DHX36: variants seen among roughly 807,000 people sequenced by gnomAD.
The protein encoded by DHX36 is DEAH-box helicase 36.
Under a neutral mutation model 139.0 loss-of-function variants are expected in DHX36, and 50 were observed. The ratio of observed to expected loss-of-function variants is 0.36; its 90% CI spans 0.29 to 0.46. The LOEUF (loss-of-function observed/expected upper bound fraction) is 0.46, where lower values mean the gene tolerates loss of function less well. Ranked by LOEUF, DHX36 falls within the 20% of genes least tolerant of loss-of-function variation. The pLI, the probability that DHX36 is intolerant of heterozygous loss-of-function variation, is 1.00. For synonymous variants in DHX36, 425 were observed against 401.9 expected, an observed-to-expected ratio of 1.06 and a Z score of -0.69; for missense variants, 1,024 against 1,211.3, an observed-to-expected ratio of 0.85 and a Z score of 2.29.
At chr3:154,315,496 A>C (rs954788009) in intron 2 of DHX36, among the ~76,000 whole-genome samples, 11 of 152,124 alleles carry the variant, frequency 7.2e-5, no homozygotes, top group African/African-American at 2.7e-4. Flanking sequence ...AGATTAAGTT[A>C]TTCCTTGTGA....
chr3:154,313,155 T>C (rs965152793), intron 3 of DHX36, among the ~76,000 whole-genome samples: 2 of 151,928 alleles, frequency 1.3e-5, no homozygotes, highest in Non-Finnish European at 1.5e-5. Flanking sequence ...AGTCAAATGT[T>C]ACCATCTTAA....
At chr3:154,294,715 GGGA>G (rs1488372153) in intron 13 of DHX36, among the ~76,000 whole-genome samples, 9 of 152,254 alleles carry the variant, frequency 5.9e-5, no homozygotes, top group African/African-American at 2.2e-4. Context: ...TAGAAATGGG[GGGA>G]GGAGCAGGTT....
Position 154,289,748 on chromosome 3 carries a change from A to G in DHX36, c.1893T>C (p.Ile631=). ...SLLDDYQLPE[I]LRTPLEELCL... ...AAAGTTCTTCCAAAGGAGTTCTCAAAATTTCTGGCAGTTGATAGTCATCTA... is the reference window on the plus strand; with the variant it reads ...AAAGTTCTTCCAAAGGAGTTCTCAAGATTTCTGGCAGTTGATAGTCATCTA... The change falls in exon 16 of 25, where the codon ATT becomes ATC. Residue 631 remains isoleucine, a synonymous_variant. Transcript: ENST00000496811. 6.2e-7 allele frequency: 1 copy of G among 1,613,242 alleles called. No homozygotes were observed. The highest frequency in any genetic ancestry group is 8.5e-7 in the Non-Finnish European group (1 of 1,179,412).
At chr3:154,306,570 T>C (rs1437526342) in intron 5 of DHX36, among the ~76,000 whole-genome samples, 2 of 152,154 alleles carry the variant, frequency 1.3e-5, no homozygotes, top group African/African-American at 4.8e-5. Context: ...ATTTATACTT[T>C]TCTGGTCTTT....
intron 3 of DHX36, 177 bp downstream of exon 3, chr3:154,314,869 T>C (rs1712901738): frequency 8.8e-6 from 5 of 566,432 alleles, no homozygotes; most frequent in Admixed American, 3.2e-5. Context: ...CTGTAGGTTA[T>C]GTGTAACTTC....
chr3:154,307,027 A>C (rs150134159), intron 5 of DHX36, among the ~76,000 whole-genome samples: 3 of 152,280 alleles, frequency 2.0e-5, no homozygotes, highest in Non-Finnish European at 4.4e-5. Flanking sequence ...AGTAACTGCT[A>C]TATATTAGTG....
At chr3:154,291,134 CAAAAAAAAAAAA>C (rs71152798) in intron 15 of DHX36, among the ~76,000 whole-genome samples, 4,109 of 61,088 alleles carry the variant, frequency 0.067, 131 homozygotes, top group Middle Eastern at 0.11. Flanking sequence ...GACTCCGTCT[CAAAAAAAAAAAA>C]AAAAAAAAAA....
In DHX36 at chr3:154,274,395, GTTT is replaced by G. The variant is rs919879347; in HGVS notation, c.*1773_*1775del. On this transcript the variant is annotated 3_prime_UTR_variant, in exon 25 of 25. Transcript: ENST00000496811. ...TAAAAGTGGCTTAAACAATTGAAGGGTTTTTATTATATCAACATAAGTCCACAT... is the reference window on the plus strand; with the variant it reads ...TAAAAGTGGCTTAAACAATTGAAGGGTTATTATATCAACATAAGTCCACAT... 9 of 166,842 alleles carry G rather than the reference GTTT, an allele frequency of 5.4e-5. No homozygotes were observed. Among genetic ancestry groups the G allele is most frequent in the Non-Finnish European group, 2.6e-5 (2 of 77,208 alleles). 10.3% of individuals were successfully genotyped at this position (166,842 alleles called of 1,614,324 possible).
At position 154,273,242 on chromosome 3, in the gene DHX36, CAG is replaced by C. The variant is rs964176538; in HGVS notation, c.*2927_*2928del. 34 of 152,086 alleles carry C rather than the reference CAG, an allele frequency of 2.2e-4. No homozygotes were observed. Among genetic ancestry groups the C allele is most frequent in the African/African-American group, 8.2e-4 (34 of 41,414 alleles). 9.4% of individuals were successfully genotyped at this position (152,086 alleles called of 1,614,324 possible). A position where few individuals can be genotyped will look rare whatever the true frequency, so the allele number is the denominator to read the frequency against. ...TGCCCTATTTTGTAAACAAAAGAAA[CAG>C]AATGTAAGTAGCACCTTGGATTAAA... On this transcript the variant is annotated 3_prime_UTR_variant, in exon 25 of 25. Transcript: ENST00000496811.
In DHX36 at chr3:154,276,790, C is replaced by T. The variant is rs750771753; in HGVS notation, c.2798G>A (p.Trp933Ter). Residue 933 changes from tryptophan (W) to a stop codon, truncating the protein, a stop_gained, in exon 24 of 25, where the codon TGG (tryptophan) becomes TAG (stop). Transcript: ENST00000496811. LOFTEE classifies it high-confidence loss of function. ...TCTTGCTGGAGACTGAAATACAATC[C>T]ACTCATCTACAGCAATAGTTTCCTG... ...NDQETIAVDE[W>*]IVFQSPARIA... 6.2e-7 allele frequency: 1 copy of T among 1,613,764 alleles called. No homozygotes were observed. Among genetic ancestry groups the T allele is most frequent in the South Asian group, 1.1e-5 (1 of 91,002 alleles).
At chr3:154,277,407 T>C (rs903321921) in intron 23 of DHX36, among the ~76,000 whole-genome samples, 191 bp downstream of exon 23, 1 of 151,990 alleles carries the variant, frequency 6.6e-6, no homozygotes, top group African/African-American at 2.4e-5. Flanking sequence ...CTAATTAAAA[T>C]ACAAAGATCC....
intron 17 of DHX36, among the ~76,000 whole-genome samples, chr3:154,285,838 TAAA>T (rs1243299442): frequency 5.3e-5 from 8 of 150,882 alleles, no homozygotes; most frequent in Non-Finnish European, 1.0e-4. Context: ...CTCTTTCAAA[TAAA>T]AGAAATGTAA....
At chr3:154,298,256 T>C (rs1378255561) in intron 12 of DHX36, among the ~76,000 whole-genome samples, 2 of 152,224 alleles carry the variant, frequency 1.3e-5, no homozygotes, top group East Asian at 3.8e-4. Context: ...ATATATCTTA[T>C]CTTCATTGGT....
chr3:154,301,820 G>A (rs1208631266), intron 9 of DHX36, among the ~76,000 whole-genome samples: 2 of 151,956 alleles, frequency 1.3e-5, no homozygotes, highest in Non-Finnish European at 1.5e-5. Context: ...TGAGAGGCAC[G>A]AGGTGGGAAA....
At chr3:154,308,218 C>T (rs1265171332) in intron 5 of DHX36, among the ~76,000 whole-genome samples, 1 of 152,162 alleles carries the variant, frequency 6.6e-6, no homozygotes, top group Non-Finnish European at 1.5e-5. Flanking sequence ...TAAATTTACA[C>T]ACTTCTTTTT....
chr3:154,299,350 T>C (rs1202886830), intron 12 of DHX36, among the ~76,000 whole-genome samples: 5 of 150,610 alleles, frequency 3.3e-5, no homozygotes, highest in Admixed American at 1.3e-4. Context: ...AGTTAATGAT[T>C]GCTGAAAATA....
At position 154,276,701 on chromosome 3, in the gene DHX36, T is replaced by C. The variant is rs1283813609; in HGVS notation, c.2841+46A>G. 5 of 1,584,716 alleles carry C rather than the reference T, an allele frequency of 3.2e-6. No homozygotes were observed. The East Asian group carries it at 6.7e-5, about 21-fold the overall frequency. On this transcript the variant is annotated intron_variant, in intron 24 of 24. Coordinates refer to ENST00000496811, the MANE Select transcript of DHX36 (RefSeq NM_020865.3). Reference sequence around the variant, plus strand: ...GTTAGAACAAAACCACATGACCACATGCTGACTTACATGTAGATTTAAGAT... The same window carrying C: ...GTTAGAACAAAACCACATGACCACACGCTGACTTACATGTAGATTTAAGAT...
rs779164052 is a variant in DHX36 at position 154,292,656 on chromosome 3, C to G, written c.1709G>C (p.Gly570Ala). The change falls in exon 15 of 25, where the codon GGA becomes GCA. Residue 570 changes from glycine to alanine, a missense_variant. Transcript: ENST00000496811. ...ATCAAAATGCGTCTCTTTTATTTTT[C>G]CTCCATCTATCACATAAACGACATC... The part of the protein sequence containing the change: ...IDDVVYVIDG[G>A]KIKETHFDTQ... 6.2e-7 allele frequency: 1 copy of G among 1,613,570 alleles called. No individual in the cohort carries two copies. Among genetic ancestry groups the G allele is most frequent in the South Asian group, 1.1e-5 (1 of 91,070 alleles).
chr3:154,293,678 G>A, intron 14 of DHX36, 70 bp downstream of exon 14: 2 of 1,118,766 alleles, frequency 1.8e-6, no homozygotes, highest in Admixed American at 1.8e-5. Flanking sequence ...AAAGATTAAG[G>A]TATATAAACA....
Sources: allele counts gnomAD v4.1 joint callset (sites outside exome capture counted in the v4.1 genomes callset), GRCh38; gene constraint gnomAD v4.1.1; transcripts MANE v1.5; gene names NCBI Gene and HGNC (gene_info 2026-07-23, HGNC 2026-07-21).